Variants in PTPRK observed in about 807,000 individuals in gnomAD.
The protein encoded by PTPRK is receptor-type tyrosine-protein phosphatase kappa.
PTPRK carries 75 observed loss-of-function variants against 178.0 expected under a neutral mutation model. The observed-to-expected ratio is 0.42, with a 90% CI of 0.35 to 0.51. The LOEUF (loss-of-function observed/expected upper bound fraction) is 0.51. Ranked by LOEUF, PTPRK falls within the 20% of genes least tolerant of loss-of-function variation. The probability of loss-of-function intolerance (pLI) is 0.02; values close to 1 mark genes in which losing one functional copy is unlikely to be tolerated. For missense variants in PTPRK, 1,441 were observed against 1,797.8 expected (o/e 0.80, Z 3.59); for synonymous variants, 637 against 620.6 (o/e 1.03, Z -0.39).
intron 6 of PTPRK, among the ~76,000 whole-genome samples, chr6:128,217,002 G>T (rs1385205881): frequency 2.0e-5 from 3 of 152,118 alleles, no homozygotes; most frequent in East Asian, 3.8e-4. Flanking sequence ...TTCACTGGTT[G>T]CAAATTGTGA....
intron 3 of PTPRK, among the ~76,000 whole-genome samples, chr6:128,297,037 A>T (rs549305521): frequency 0.047 from 7,152 of 150,756 alleles, 493 homozygotes; most frequent in African/African-American, 0.17. Flanking sequence ...AAGATCTACC[A>T]AGCAAATGGA....
At chr6:128,039,078 T>G (rs1776722147) in intron 13 of PTPRK, among the ~76,000 whole-genome samples, 1 of 152,184 alleles carries the variant, frequency 6.6e-6, no homozygotes, top group Admixed American at 6.5e-5. Context: ...AATGTATACA[T>G]ATTATATGAC....
At chr6:128,154,155 A>G (rs1345128400) in intron 7 of PTPRK, among the ~76,000 whole-genome samples, 3 of 151,846 alleles carry the variant, frequency 2.0e-5, no homozygotes, top group African/African-American at 7.2e-5. Flanking sequence ...TGAATAATGT[A>G]GTGATCTCAG....
chr6:128,041,964 C>T (rs981301486), intron 13 of PTPRK, among the ~76,000 whole-genome samples: 1 of 151,798 alleles, frequency 6.6e-6, no homozygotes, highest in Non-Finnish European at 1.5e-5. Context: ...ATCACCTTAC[C>T]TCATATCCAA....
At chr6:128,116,974 GTC>G (rs1352468876) in intron 7 of PTPRK, among the ~76,000 whole-genome samples, 1 of 151,864 alleles carries the variant, frequency 6.6e-6, no homozygotes, top group African/African-American at 2.4e-5. Flanking sequence ...GTGAAACCCT[GTC>G]TCTACTAAAA....
intron 2 of PTPRK, among the ~76,000 whole-genome samples, chr6:128,356,239 C>G (rs1050806892): frequency 6.6e-6 from 1 of 152,110 alleles, no homozygotes. Context: ...TGCATAGAAT[C>G]TCCTCCATTT....
chr6:128,254,565 T>C (rs995931609), intron 3 of PTPRK, among the ~76,000 whole-genome samples: 16 of 152,098 alleles, frequency 1.1e-4, no homozygotes, highest in African/African-American at 3.6e-4. Context: ...AAGTATATGG[T>C]TCACTTGATT....
intron 7 of PTPRK, among the ~76,000 whole-genome samples, chr6:128,157,260 G>T (rs1798072448): frequency 6.6e-6 from 1 of 151,928 alleles, no homozygotes; most frequent in African/African-American, 2.4e-5. Flanking sequence ...CAACACTACT[G>T]CATCCTTTTA....
At chr6:127,998,978 G>T in intron 15 of PTPRK, 74 bp from the exon 16 acceptor site, 1 of 1,290,634 alleles carries the variant, frequency 7.7e-7, no homozygotes, top group Non-Finnish European at 1.0e-6. Context: ...TCTATGCAAT[G>T]AAGATTTTAA....
chr6:128,519,095 C>A lies in PTPRK; in HGVS notation c.100+1164G>T. 1.9e-6 allele frequency: 1 copy of A among 531,884 alleles called. No homozygotes were observed. 32.9% of individuals were successfully genotyped at this position (531,884 alleles called of 1,614,324 possible). On this transcript the variant is annotated intron_variant, in intron 1 of 29. Coordinates refer to ENST00000368226, the MANE Select transcript of PTPRK (RefSeq NM_002844.4). The surrounding 1 kb of genome is among the most constrained non-coding windows in gnomAD (Gnocchi z 4.3). ...CCTCTGGCCACCACTGCGTCTCCAT[C>A]TGCACCGCGAACCCCAGCAGCAGAT...
intron 2 of PTPRK, among the ~76,000 whole-genome samples, chr6:128,323,670 G>T (rs1463037388): frequency 1.3e-5 from 2 of 152,166 alleles, no homozygotes; most frequent in Admixed American, 1.3e-4. Context: ...GTGACCGATT[G>T]CCACTGAGTG....
intron 6 of PTPRK, among the ~76,000 whole-genome samples, chr6:128,191,014 AAG>A (rs1405903151): frequency 6.6e-6 from 1 of 152,168 alleles, no homozygotes; most frequent in Non-Finnish European, 1.5e-5. Flanking sequence ...GAACTAAAGA[AAG>A]AGTGTGTACT....
chr6:128,347,905 G>A (rs772442465), intron 2 of PTPRK, among the ~76,000 whole-genome samples: 6 of 151,828 alleles, frequency 4.0e-5, no homozygotes, highest in South Asian at 2.1e-4. Flanking sequence ...ACATTAATAC[G>A]TCGATTTTAT....
intron 1 of PTPRK, among the ~76,000 whole-genome samples, chr6:128,451,434 A>G (rs1847779882): frequency 6.6e-6 from 1 of 152,172 alleles, no homozygotes; most frequent in South Asian, 2.1e-4. Context: ...GGATATACAC[A>G]ATTATTTGAA....
chr6:128,177,402 T>C (rs758922334), intron 7 of PTPRK, among the ~76,000 whole-genome samples: 6 of 151,830 alleles, frequency 4.0e-5, no homozygotes, highest in Admixed American at 3.3e-4. Context: ...TGAAGATTTA[T>C]TGTAGTTATG....
At chr6:128,420,306 T>G (rs1470241369) in intron 1 of PTPRK, among the ~76,000 whole-genome samples, 3 of 152,136 alleles carry the variant, frequency 2.0e-5, no homozygotes, top group African/African-American at 7.2e-5. Flanking sequence ...CATAGGGAAA[T>G]TAATCAATAA....
chr6:128,365,045 T>G (rs369243629), intron 2 of PTPRK, among the ~76,000 whole-genome samples: 1 of 152,084 alleles, frequency 6.6e-6, no homozygotes, highest in Admixed American at 6.6e-5. Flanking sequence ...TAACGTAGAC[T>G]GTATCTGCAT....
At chr6:128,263,890 T>A (rs1818552588) in intron 3 of PTPRK, among the ~76,000 whole-genome samples, 1 of 152,106 alleles carries the variant, frequency 6.6e-6, no homozygotes, top group Non-Finnish European at 1.5e-5. Flanking sequence ...CCAGGCAGCA[T>A]CTAAGTGAGA....
chr6:128,051,864 T>C (rs1779060076), intron 13 of PTPRK, among the ~76,000 whole-genome samples: 1 of 152,168 alleles, frequency 6.6e-6, no homozygotes. Flanking sequence ...CAAAATGGCA[T>C]AAATCATTTT....
Sources: gnomAD v4.1 joint callset for allele counts (sites outside exome capture counted in the v4.1 genomes callset) on GRCh38, gnomAD v4.1.1 for gene constraint, Gnocchi (gnomAD v3.1) non-coding constraint, MANE v1.5 for transcripts, NCBI Gene and HGNC (gene_info 2026-07-23, HGNC 2026-07-21) for gene names.